The following SOX6 variants were observed in gnomAD, a reference collection of about 807,000 sequenced individuals.
SOX6 encodes the protein SRY-box transcription factor 6.
Under a neutral mutation model 97.8 loss-of-function variants are expected in SOX6, and 11 were observed. That is an observed-to-expected ratio of 0.11 (90% CI 0.07 to 0.19). The LOEUF (loss-of-function observed/expected upper bound fraction) is 0.19. SOX6 is among the 10% of genes least tolerant of loss of function. The probability of loss-of-function intolerance (pLI) is 1.00; values close to 1 mark genes in which losing one functional copy is unlikely to be tolerated. For missense variants in SOX6, 810 were observed against 1,039.5 expected (o/e 0.78, Z 3.04); for synonymous variants, 360 against 371.4 (o/e 0.97, Z 0.35).
chr11:16,630,811 G>A (rs1848696403), intron 3 of SOX6, among the ~76,000 whole-genome samples: 1 of 152,308 alleles, frequency 6.6e-6, no homozygotes, highest in Admixed American at 6.5e-5. Context: ...TCTTCTTGTT[G>A]AATTGAACCC....
At chr11:16,368,814 T>C (rs897155753) in intron 1 of SOX6, among the ~76,000 whole-genome samples, 1 of 151,938 alleles carries the variant, frequency 6.6e-6, no homozygotes, top group Non-Finnish European at 1.5e-5. Flanking sequence ...GGGAGAAAAT[T>C]TTGCAAATCA....
chr11:15,978,953 T>TAATGC, intron 15 of SOX6, among the ~76,000 whole-genome samples: 1 of 138,562 alleles, frequency 7.2e-6, no homozygotes, highest in African/African-American at 2.6e-5. Flanking sequence ...TAAGCATATA[T>TAATGC]AATGCTTATT....
intron 12 of SOX6, among the ~76,000 whole-genome samples, chr11:16,040,671 G>T (rs1376931695): frequency 6.6e-6 from 1 of 152,006 alleles, no homozygotes; most frequent in African/African-American, 2.4e-5. Context: ...AAACTCAGAT[G>T]TGTGTCTTGT....
intron 3 of SOX6, among the ~76,000 whole-genome samples, chr11:16,653,163 C>T (rs930913975): frequency 2.6e-5 from 4 of 152,110 alleles, no homozygotes; most frequent in Non-Finnish European, 5.9e-5. Flanking sequence ...TTACACACTG[C>T]TGGTGGGAAT....
At chr11:16,685,792 C>A (rs912605171) in intron 3 of SOX6, among the ~76,000 whole-genome samples, 3 of 152,268 alleles carry the variant, frequency 2.0e-5, no homozygotes, top group Non-Finnish European at 4.4e-5. Flanking sequence ...TCTATCCCCA[C>A]ATTTCTCCTC....
chr11:16,360,299 G>A (rs1002454092), upstream of SOX6, among the ~76,000 whole-genome samples: 2 of 152,078 alleles, frequency 1.3e-5, no homozygotes, highest in Non-Finnish European at 2.9e-5. Flanking sequence ...TATATATTCT[G>A]ATTCTTTCCT....
intron 6 of SOX6, among the ~76,000 whole-genome samples, chr11:16,121,096 A>T (rs982179764): frequency 6.6e-6 from 1 of 152,058 alleles, no homozygotes; most frequent in Non-Finnish European, 1.5e-5. Context: ...GTATGTACTC[A>T]CTTTATTTGC....
rs554532185 is a variant in SOX6 at position 16,504,731 on chromosome 11, T to C, written n.610-28343A>G. ...AATCCCCAATGTTGGAGAAAAGGCCTGGTGGGAGGCAACTGAATCATGGAA... is the reference window on the plus strand; with the variant it reads ...AATCCCCAATGTTGGAGAAAAGGCCCGGTGGGAGGCAACTGAATCATGGAA... On this transcript the variant is annotated intron_variant and non_coding_transcript_variant, in intron 4 of 5. Coordinates refer to the SOX6 transcript ENST00000524520. 2.0e-5 allele frequency among the ~76,000 whole-genome samples: 3 copies of C among 152,036 alleles called. No homozygotes were observed. The South Asian group carries it at 6.2e-4, about 32-fold the overall frequency.
chr11:16,138,976 A>G (rs1850053987), intron 6 of SOX6, among the ~76,000 whole-genome samples: 1 of 152,072 alleles, frequency 6.6e-6, no homozygotes, highest in Non-Finnish European at 1.5e-5. Context: ...TTGGTTTTGG[A>G]GATTTCAAGA....
intron 9 of SOX6, among the ~76,000 whole-genome samples, chr11:16,068,882 C>G (rs1590174421): frequency 6.6e-6 from 1 of 152,132 alleles, no homozygotes; most frequent in Admixed American, 6.5e-5. Context: ...TTTCTCCCAC[C>G]AAATTCTGAG....
intron 15 of SOX6, among the ~76,000 whole-genome samples, chr11:15,984,155 CTAGA>C (rs1360540678): frequency 2.0e-5 from 3 of 152,076 alleles, no homozygotes; most frequent in Non-Finnish European, 4.4e-5. Context: ...CTAGTATACA[CTAGA>C]TAGTCAATAA....
At chr11:16,537,326 C>T (rs780903393) in intron 4 of SOX6, among the ~76,000 whole-genome samples, 1 of 152,156 alleles carries the variant, frequency 6.6e-6, no homozygotes, top group Non-Finnish European at 1.5e-5. Context: ...AGGTCACCAA[C>T]ATCAAAGACC....
chr11:16,286,874 T>C (rs905295841), intron 3 of SOX6, among the ~76,000 whole-genome samples: 3 of 152,114 alleles, frequency 2.0e-5, no homozygotes, highest in Non-Finnish European at 4.4e-5. Flanking sequence ...GTAGAACAGA[T>C]GAAATATTTA....
chr11:16,289,538 G>A (rs1854849097), intron 3 of SOX6, among the ~76,000 whole-genome samples: 1 of 151,968 alleles, frequency 6.6e-6, no homozygotes, highest in Admixed American at 6.6e-5. Flanking sequence ...TCAACTTAAA[G>A]AAATGAACAC....
intron 1 of SOX6, among the ~76,000 whole-genome samples, chr11:16,449,791 T>C (rs924878298): frequency 8.0e-4 from 122 of 152,286 alleles, no homozygotes; most frequent in African/African-American, 2.7e-3. Flanking sequence ...ATAGGTTTTT[T>C]GATTTCCACT....
At chr11:16,306,869 C>T (rs1855457970) in intron 3 of SOX6, among the ~76,000 whole-genome samples, 1 of 152,046 alleles carries the variant, frequency 6.6e-6, no homozygotes, top group African/African-American at 2.4e-5. Flanking sequence ...CGTGATCCAC[C>T]CGCCTCAGCC....
chr11:16,341,014 T>C lies in SOX6; in HGVS notation c.235A>G (p.Met79Val). 1 of 1,613,264 alleles carries C rather than the reference T, an allele frequency of 6.2e-7. No homozygotes were observed. The highest frequency in any genetic ancestry group is 8.5e-7 in the Non-Finnish European group (1 of 1,179,408). ...GTGGTCAGATTTTAAAGGCTCACCA[T>C]TCTTTGCTGAGATGACAGAACGCTG... The part of the protein sequence containing the change: ...WDSVLSSQQR[M>V]ESENNKLCSL... Residue 79 changes from methionine (M) to valine (V), a missense_variant and splice_region_variant, in exon 2 of 16, where the codon ATG becomes GTG. Met to Val is a conservative substitution (Grantham distance 21). Coordinates refer to ENST00000683767, the MANE Select transcript of SOX6 (RefSeq NM_001367873.1).
At chr11:16,219,190 G>A (rs1055270297) in intron 4 of SOX6, among the ~76,000 whole-genome samples, 1 of 151,988 alleles carries the variant, frequency 6.6e-6, no homozygotes, top group African/African-American at 2.4e-5. Context: ...GCTGAAAAGA[G>A]GCTTGAGGAA....
intron 4 of SOX6, among the ~76,000 whole-genome samples, chr11:16,521,474 C>A (rs1417536190): frequency 6.6e-6 from 1 of 152,118 alleles, no homozygotes; most frequent in Non-Finnish European, 1.5e-5. Context: ...ACCAAAAACC[C>A]ATCTGTACAT....
Sources: gnomAD v4.1 joint callset for allele counts (sites outside exome capture counted in the v4.1 genomes callset) on GRCh38, gnomAD v4.1.1 for gene constraint, MANE v1.5 for transcripts, NCBI Gene and HGNC (gene_info 2026-07-23, HGNC 2026-07-21) for gene names.